CNGA3: variants seen among roughly 807,000 people sequenced by gnomAD.
CNGA3 encodes cyclic nucleotide-gated channel alpha-3.
A neutral mutation model predicts 46.6 loss-of-function variants in CNGA3; 42 were observed. That is an observed-to-expected ratio of 0.90 (90% CI 0.70 to 1.17). CNGA3 has a LOEUF of 1.17. Among genes scored for constraint, CNGA3 ranks in the 50% most tolerant of loss-of-function variants. CNGA3 has a pLI of 0.00. For synonymous variants in CNGA3, 394 were observed against 369.4 expected (o/e 1.07, Z -0.76); for missense variants, 893 against 890.7 (o/e 1.00, Z -0.03).
In CNGA3 at chr2:98,346,636, C is replaced by A. The variant is rs929585035; in HGVS notation, c.-38+102C>A. The A allele has an allele frequency of 1.0e-5, 4 of 394,436 alleles. No individual in the cohort carries two copies. The South Asian group carries it at 4.3e-4, about 42-fold the overall frequency. 24.4% of individuals were successfully genotyped at this position (394,436 alleles called of 1,614,324 possible). ...ACAGGAGGTAAGTTAGAGAACCACA[C>A]GCAGGGGAGGGATGCTGCTGCTTCC... On this transcript the variant is annotated intron_variant, in intron 1 of 7. Transcript: ENST00000272602.
intron 7 of CNGA3, among the ~76,000 whole-genome samples, chr2:98,395,129 G>C (rs565461754): frequency 1.3e-4 from 19 of 151,794 alleles, no homozygotes; most frequent in African/African-American, 4.6e-4. Context: ...CTTCAACCTT[G>C]ATAAAAATAA....
chr2:98,387,176 T>C (rs1194032737), intron 5 of CNGA3, among the ~76,000 whole-genome samples: 2 of 152,220 alleles, frequency 1.3e-5, no homozygotes, highest in African/African-American at 2.4e-5. Flanking sequence ...TAAGTGGCCA[T>C]GTAGAATTCA....
intron 2 of CNGA3, among the ~76,000 whole-genome samples, chr2:98,376,369 C>T (rs1692405773): frequency 6.6e-6 from 1 of 151,938 alleles, no homozygotes; most frequent in Non-Finnish European, 1.5e-5. Context: ...GGGGTTCTGG[C>T]CTGGAAACCC....
chr2:98,365,158 C>CT (rs1274895072), intron 1 of CNGA3, among the ~76,000 whole-genome samples: 10 of 152,136 alleles, frequency 6.6e-5, no homozygotes, highest in Non-Finnish European at 5.9e-5. Context: ...CTGCCTCAGC[C>CT]TACTGAGGTC....
At chr2:98,367,835 T>C (rs1692197879) in intron 1 of CNGA3, among the ~76,000 whole-genome samples, 1 of 152,144 alleles carries the variant, frequency 6.6e-6, no homozygotes, top group Non-Finnish European at 1.5e-5. Context: ...TTTTAGCTGC[T>C]CACCTCACAG....
At chr2:98,360,714 C>T (rs923318173) in intron 1 of CNGA3, among the ~76,000 whole-genome samples, 2 of 152,028 alleles carry the variant, frequency 1.3e-5, no homozygotes, top group Non-Finnish European at 2.9e-5. Flanking sequence ...AGGTGGGAGA[C>T]AAGGATTTGG....
At chr2:98,360,543 C>G (rs1461224196) in intron 1 of CNGA3, among the ~76,000 whole-genome samples, 1 of 152,222 alleles carries the variant, frequency 6.6e-6, no homozygotes, top group Non-Finnish European at 1.5e-5. Context: ...CTGCATATAG[C>G]TCTCTAATAA....
Position 98,380,363 on chromosome 2 carries a change from C to G in CNGA3, c.395+9C>G. The G allele has an allele frequency of 6.2e-7, 1 of 1,612,868 alleles. No homozygotes were observed. Among genetic ancestry groups the G allele is most frequent in the Non-Finnish European group, 8.5e-7 (1 of 1,179,400 alleles). On this transcript the variant is annotated intron_variant, in intron 4 of 7. Transcript: ENST00000272602. ...GCAGACAGAGGGAGAAGGTAAGGAA[C>G]GGAAAAGAAGAAGGGGCCTCTGGTG...
At position 98,378,243 on chromosome 2, in the gene CNGA3, ATTTG is replaced by A. The variant is rs1341721258; in HGVS notation, c.215+448_215+451del. 4.6e-6 allele frequency: 7 copies of A among 1,538,040 alleles called. No individual in the cohort carries two copies. The East Asian group carries it at 1.7e-4, about 38-fold the overall frequency. On this transcript the variant is annotated intron_variant, in intron 3 of 7. Coordinates refer to ENST00000272602, the MANE Select transcript of CNGA3 (RefSeq NM_001298.3). Reference sequence around the variant, plus strand: ...GGCAGGTAGGTGTCCTTGCAAAAGCATTTGTTTGCAAGATTAGTGAGACTCCAAG... The same window carrying A: ...GGCAGGTAGGTGTCCTTGCAAAAGCATTTGCAAGATTAGTGAGACTCCAAG...
At position 98,377,693 on chromosome 2, in the gene CNGA3, C is replaced by G; in HGVS notation, c.108C>G (p.His36Gln). The part of the protein sequence containing the change: ...NRAENGLSRA[H>Q]SSSEETSSVL... Reference sequence around the variant, plus strand: ...TGCATATCTGATTTCCTAGAGCCCACTCGTCAAGTGAGGAGACATCGTCAG... The same window carrying G: ...TGCATATCTGATTTCCTAGAGCCCAGTCGTCAAGTGAGGAGACATCGTCAG... The change falls in exon 3 of 8, where the codon CAC becomes CAG. Residue 36 changes from histidine to glutamine, a missense_variant. His to Gln is a conservative substitution (Grantham distance 24). Transcript: ENST00000272602. 3 of 1,613,120 alleles carry G rather than the reference C, an allele frequency of 1.9e-6. No individual in the cohort carries two copies. The highest frequency in any genetic ancestry group is 1.7e-6 in the Non-Finnish European group (2 of 1,179,856).
At chr2:98,394,274 C>T (rs1692859207) in intron 7 of CNGA3, among the ~76,000 whole-genome samples, 2 of 152,176 alleles carry the variant, frequency 1.3e-5, no homozygotes, top group Admixed American at 1.3e-4. Context: ...ATGCCCCTGG[C>T]TCTAGGTGTC....
At chr2:98,357,120 A>T (rs1342135045) in intron 1 of CNGA3, among the ~76,000 whole-genome samples, 1 of 152,224 alleles carries the variant, frequency 6.6e-6, no homozygotes, top group Admixed American at 6.5e-5. Context: ...GAAGAATAAA[A>T]TGTTTTTTAG....
intron 1 of CNGA3, among the ~76,000 whole-genome samples, chr2:98,354,683 G>A (rs1691840535): frequency 6.6e-6 from 1 of 152,172 alleles, no homozygotes; most frequent in Non-Finnish European, 1.5e-5. Flanking sequence ...TACTTAGGAG[G>A]CTAAAGTTGG....
intron 1 of CNGA3, among the ~76,000 whole-genome samples, chr2:98,358,936 A>G (rs753399799): frequency 6.6e-6 from 1 of 152,184 alleles, no homozygotes; most frequent in Non-Finnish European, 1.5e-5. Context: ...CTGTAGCCCA[A>G]ATATCTAAAA....
intron 3 of CNGA3, chr2:98,378,082 C>G (rs1158063155): frequency 6.4e-7 from 1 of 1,550,748 alleles, no homozygotes; most frequent in Non-Finnish European, 8.7e-7. Context: ...AGAAAAAAAG[C>G]CAACCGGAGA....
chr2:98,393,301 G>A (rs143875377), intron 7 of CNGA3, among the ~76,000 whole-genome samples: 3 of 152,234 alleles, frequency 2.0e-5, no homozygotes, highest in East Asian at 1.9e-4. Context: ...CACAGTAGCC[G>A]ACCTCCGTGT....
Position 98,396,687 on chromosome 2 carries a change from G to T in CNGA3, c.1517G>T (p.Gly506Val), listed in dbSNP as rs1267734152. ...LKLRPTVFSP[G>V]DYICKKGDIG... ...CTGCGACCCACTGTGTTCAGCCCTGGGGATTATATCTGCAAGAAGGGAGAT... is the reference window on the plus strand; with the variant it reads ...CTGCGACCCACTGTGTTCAGCCCTGTGGATTATATCTGCAAGAAGGGAGAT... Residue 506 changes from glycine to valine, a missense_variant, in exon 8 of 8, where the codon GGG becomes GTG. Coordinates refer to ENST00000272602, the MANE Select transcript of CNGA3 (RefSeq NM_001298.3). 1 of 1,614,120 alleles carries T rather than the reference G, an allele frequency of 6.2e-7. No individual in the cohort carries two copies. The highest frequency in any genetic ancestry group is 1.1e-5 in the South Asian group (1 of 91,076).
intron 4 of CNGA3, among the ~76,000 whole-genome samples, chr2:98,383,087 G>A (rs1334666009): frequency 6.6e-6 from 1 of 152,182 alleles, no homozygotes; most frequent in African/African-American, 2.4e-5. Flanking sequence ...TGGAATGGAA[G>A]GAAATTGAGT....
At chr2:98,347,994 T>C (rs754744700) in intron 1 of CNGA3, among the ~76,000 whole-genome samples, 8 of 152,268 alleles carry the variant, frequency 5.3e-5, no homozygotes, top group Non-Finnish European at 1.0e-4. Flanking sequence ...AGATGGTCAC[T>C]TGTGTGTGGT....
Sources: gnomAD v4.1 joint callset for allele counts (sites outside exome capture counted in the v4.1 genomes callset) on GRCh38, gnomAD v4.1.1 for gene constraint, MANE v1.5 for transcripts, NCBI Gene and HGNC (gene_info 2026-07-23, HGNC 2026-07-21) for gene names.